FBXO42: variants seen among roughly 807,000 people sequenced by gnomAD.
FBXO42 encodes the protein F-box only protein 42.
Under a neutral mutation model 71.7 loss-of-function variants are expected in FBXO42, and 12 were observed. That is an observed-to-expected ratio of 0.17 (90% CI 0.11 to 0.27). The LOEUF (loss-of-function observed/expected upper bound fraction) is 0.27. Among genes scored for constraint, FBXO42 ranks in the 10% least tolerant of loss-of-function variants. The probability of loss-of-function intolerance (pLI) is 1.00; values close to 1 mark genes in which losing one functional copy is unlikely to be tolerated. For synonymous variants in FBXO42, 325 were observed against 327.5 expected, an observed-to-expected ratio of 0.99 and a Z score of 0.08; for missense variants, 707 against 911.9, an observed-to-expected ratio of 0.78 and a Z score of 2.89.
intron 4 of FBXO42, among the ~76,000 whole-genome samples, chr1:16,274,158 TAGTC>T (rs1197028035): frequency 1.3e-5 from 2 of 151,048 alleles, no homozygotes; most frequent in Non-Finnish European, 3.0e-5. Flanking sequence ...AAAACTAAAT[TAGTC>T]AGGCATGGTG....
rs983359400 is a variant in FBXO42 at position 16,247,496 on chromosome 1, C to G, written c.*3174G>C. ...CTCTTTGTTCTCCATTGGCTGGTGG[C>G]TTTCTGTCCTCCAAAGTCAAGGCTT... is the stretch of plus-strand genomic sequence containing the variant. On this transcript the variant is annotated 3_prime_UTR_variant, in exon 10 of 10. Coordinates refer to ENST00000375592, the MANE Select transcript of FBXO42 (RefSeq NM_018994.3). 1 of 152,186 alleles carries G rather than the reference C, an allele frequency of 6.6e-6. No homozygotes were observed. The highest frequency in any genetic ancestry group is 1.5e-5 in the Non-Finnish European group (1 of 68,032). 9.4% of individuals were successfully genotyped at this position (152,186 alleles called of 1,614,324 possible). A position where few individuals can be genotyped will look rare whatever the true frequency, so the allele number is the denominator to read the frequency against.
rs386366300 is a variant in FBXO42 at position 16,283,494 on chromosome 1, G to GTTTTTTTTTTTTTTTTTTTTT, written c.502+11268_502+11288dup. On this transcript the variant is annotated intron_variant, in intron 4 of 9. Coordinates refer to ENST00000375592, the MANE Select transcript of FBXO42 (RefSeq NM_018994.3). ...TTATAGACTCTTCTAACTGTGGCAA[G>GTTTTTTTTTTTTTTTTTTTTT]TTTTTTTTTTTTTTTTTTTTTTTGA... Among the ~76,000 whole-genome samples the GTTTTTTTTTTTTTTTTTTTTT allele has an allele frequency of 2.3e-4, 19 of 80,988 alleles. 2 individuals carry two copies. The highest frequency in any genetic ancestry group is 7.6e-4 in the African/African-American group (17 of 22,486). 53.1% of individuals were successfully genotyped at this position (80,988 alleles called of 152,430 possible).
intron 4 of FBXO42, among the ~76,000 whole-genome samples, chr1:16,289,630 C>A (rs2082057533): frequency 7.5e-6 from 1 of 133,302 alleles, no homozygotes; most frequent in Non-Finnish European, 1.7e-5. Flanking sequence ...ATGCCATTCT[C>A]ACTTCCCTCC....
chr1:16,327,438 G>A (rs1409706936), intron 1 of FBXO42, among the ~76,000 whole-genome samples: 1 of 152,146 alleles, frequency 6.6e-6, no homozygotes, highest in Non-Finnish European at 1.5e-5. Context: ...CAGAAGCCTA[G>A]CTGAAAAACC....
chr1:16,336,390 G>A (rs2082553938), intron 1 of FBXO42, among the ~76,000 whole-genome samples: 1 of 150,284 alleles, frequency 6.7e-6, no homozygotes, highest in Non-Finnish European at 1.5e-5. Flanking sequence ...ATGTAGTCTA[G>A]CTCTGTCACC....
At position 16,252,448 on chromosome 1, in the gene FBXO42, G is replaced by A. The variant is rs754753250; in HGVS notation, c.922-44C>T. 2.4e-5 allele frequency: 35 copies of A among 1,431,752 alleles called. No individual in the cohort carries two copies. Among genetic ancestry groups the A allele is most frequent in the South Asian group, 5.7e-5 (5 of 87,390 alleles). The allele number at this position is 1,431,752 out of a possible 1,614,324, so 88.7% of individuals were successfully genotyped here. A position where few individuals can be genotyped will look rare whatever the true frequency, so the allele number is the denominator to read the frequency against. Reference sequence around the variant, plus strand: ...ATAACAAGACTCAGGTGTGATATGCGTTCCAAAACACACACACACAGAGTT... The same window carrying A: ...ATAACAAGACTCAGGTGTGATATGCATTCCAAAACACACACACACAGAGTT... On this transcript the variant is annotated intron_variant, in intron 8 of 9. Coordinates refer to ENST00000375592, the MANE Select transcript of FBXO42 (RefSeq NM_018994.3). The surrounding 1 kb of genome is among the most constrained non-coding windows in gnomAD (Gnocchi z 4.4).
intron 1 of FBXO42, among the ~76,000 whole-genome samples, chr1:16,338,029 G>A (rs1177550075): frequency 2.0e-5 from 3 of 151,850 alleles, no homozygotes; most frequent in African/African-American, 7.2e-5. Context: ...GGAGGCCGAG[G>A]CAGGTGGATC....
At chr1:16,296,814 G>C (rs1158320904) in intron 3 of FBXO42, among the ~76,000 whole-genome samples, 1 of 151,842 alleles carries the variant, frequency 6.6e-6, no homozygotes. Flanking sequence ...CTAGTTACCC[G>C]AGTTCAGAAA....
At chr1:16,341,746 G>A (rs1022663467) in intron 1 of FBXO42, among the ~76,000 whole-genome samples, 7 of 151,224 alleles carry the variant, frequency 4.6e-5, no homozygotes, top group African/African-American at 1.5e-4. Context: ...CAAGGCGGGC[G>A]GATCACCTGA....
chr1:16,294,511 G>C (rs1005819095), intron 4 of FBXO42: 1 of 384,264 alleles, frequency 2.6e-6, no homozygotes, highest in Non-Finnish European at 4.8e-6. Context: ...TATCACACCT[G>C]TATGAGTATA....
intron 2 of FBXO42, among the ~76,000 whole-genome samples, chr1:16,312,862 T>C (rs1023602589): frequency 3.9e-5 from 6 of 151,912 alleles, no homozygotes; most frequent in Admixed American, 1.3e-4. Flanking sequence ...TGGCTCGATC[T>C]TGGCACACTG....
chr1:16,306,354 T>C (rs2082251098), intron 2 of FBXO42, among the ~76,000 whole-genome samples: 1 of 152,192 alleles, frequency 6.6e-6, no homozygotes, highest in African/African-American at 2.4e-5. Flanking sequence ...CAAATTTATC[T>C]GATTTTCATT....
chr1:16,295,333 A>G (rs150973622), intron 3 of FBXO42, among the ~76,000 whole-genome samples: 174 of 152,210 alleles, frequency 1.1e-3, no homozygotes, highest in African/African-American at 4.1e-3. Context: ...CAATTCTCCT[A>G]TTGTTTTTGT....
rs58537213 is a variant in FBXO42, at chr1:16,296,649, C to CAA, written c.368-1734_368-1733dup. Among the ~76,000 whole-genome samples, 473 of 91,298 alleles carry CAA rather than the reference C, an allele frequency of 5.2e-3. 3 individuals carry two copies. The highest frequency in any genetic ancestry group is 0.017 in the African/African-American group (446 of 25,664). 59.9% of individuals were successfully genotyped at this position (91,298 alleles called of 152,430 possible). A position where few individuals can be genotyped will look rare whatever the true frequency, so the allele number is the denominator to read the frequency against. On this transcript the variant is annotated intron_variant, in intron 3 of 9. Transcript: ENST00000375592. ...TGGACGACAGAGCAAGACTCCATCT[C>CAA]AAAAAAAAAAAAAAAAAAACAAAAA... is the stretch of plus-strand genomic sequence containing the variant.
chr1:16,313,747 A>C (rs1214694097), intron 2 of FBXO42, among the ~76,000 whole-genome samples: 1 of 152,182 alleles, frequency 6.6e-6, no homozygotes, highest in Non-Finnish European at 1.5e-5. Context: ...TCTCTGTTAT[A>C]TCTCTGGCTG....
chr1:16,307,913 T>C (rs1285469987), intron 2 of FBXO42, among the ~76,000 whole-genome samples: 2 of 152,164 alleles, frequency 1.3e-5, no homozygotes, highest in African/African-American at 4.8e-5. Flanking sequence ...CAGCAAATTA[T>C]TTTGTGAATA....
chr1:16,278,575 C>A (rs1440940960), intron 4 of FBXO42, among the ~76,000 whole-genome samples: 1 of 151,928 alleles, frequency 6.6e-6, no homozygotes, highest in Non-Finnish European at 1.5e-5. Flanking sequence ...TCCCAGACTC[C>A]CTTGTTTAGA....
intron 4 of FBXO42, among the ~76,000 whole-genome samples, chr1:16,270,456 A>T (rs2081827310): frequency 6.6e-6 from 1 of 152,110 alleles, no homozygotes; most frequent in Non-Finnish European, 1.5e-5. Context: ...TCCAGAAAAT[A>T]ATTCCCAAGG....
chr1:16,261,102 A>G (rs763270634), intron 4 of FBXO42, among the ~76,000 whole-genome samples: 2 of 152,246 alleles, frequency 1.3e-5, no homozygotes, highest in African/African-American at 2.4e-5. Context: ...TGATGCCTTA[A>G]AAGGTCTAGT....
Sources: gnomAD v4.1 joint callset for allele counts (sites outside exome capture counted in the v4.1 genomes callset) on GRCh38, gnomAD v4.1.1 for gene constraint, Gnocchi (gnomAD v3.1) non-coding constraint, MANE v1.5 for transcripts, NCBI Gene and HGNC (gene_info 2026-07-23, HGNC 2026-07-21) for gene names.